Variants in TMTC1 observed in about 807,000 individuals in gnomAD.
The protein encoded by TMTC1 is transmembrane O-mannosyltransferase targeting cadherins 1, also known as protein O-mannosyl-transferase TMTC1.
A neutral mutation model predicts 104.8 loss-of-function variants in TMTC1; 73 were observed. That is an observed-to-expected ratio of 0.70 (90% CI 0.58 to 0.85). The LOEUF (loss-of-function observed/expected upper bound fraction) is 0.85, where lower values mean the gene tolerates loss of function less well. Ranked by LOEUF, TMTC1 falls within the 40% of genes least tolerant of loss-of-function variation. TMTC1 has a pLI of 0.00. For missense variants in TMTC1, 1,035 were observed against 1,096.1 expected (o/e 0.94, Z 0.79); for synonymous variants, 434 against 428.7 (o/e 1.01, Z -0.15).
intron 5 of TMTC1, among the ~76,000 whole-genome samples, chr12:29,657,049 A>G (rs1205126494): frequency 6.6e-6 from 1 of 152,204 alleles, no homozygotes; most frequent in Non-Finnish European, 1.5e-5. Flanking sequence ...TGACAGCAGT[A>G]TGTTCTTGTT....
At chr12:29,651,575 C>A (rs1939520535) in intron 5 of TMTC1, among the ~76,000 whole-genome samples, 1 of 152,198 alleles carries the variant, frequency 6.6e-6, no homozygotes, top group Admixed American at 6.5e-5. Context: ...AAAATGCAAG[C>A]AGCTCAGAAC....
chr12:29,734,220 C>T (rs570222656), intron 5 of TMTC1, among the ~76,000 whole-genome samples: 4 of 152,314 alleles, frequency 2.6e-5, no homozygotes, highest in Admixed American at 2.6e-4. Flanking sequence ...TTCCACATGT[C>T]TCTTAATTTC....
At chr12:29,592,953 C>T (rs159701) in intron 7 of TMTC1, among the ~76,000 whole-genome samples, 39,042 of 152,114 alleles carry the variant, frequency 0.26, 5,360 homozygotes, top group East Asian at 0.38. Context: ...TAGTAACTTC[C>T]TAAGGCCCAG....
At chr12:29,708,123 G>C (rs1008137602) in intron 5 of TMTC1, among the ~76,000 whole-genome samples, 1 of 152,188 alleles carries the variant, frequency 6.6e-6, no homozygotes, top group South Asian at 2.1e-4. Context: ...AACAAGACAA[G>C]CCTTGACCTC....
At chr12:29,713,343 G>GGA (rs113105294) in intron 5 of TMTC1, among the ~76,000 whole-genome samples, 2,646 of 99,022 alleles carry the variant, frequency 0.027, 78 homozygotes, top group African/African-American at 0.095. Context: ...ACACACACAG[G>GGA]GAGAGAGAGA....
chr12:29,548,506 C>G (rs1436943386), intron 10 of TMTC1, among the ~76,000 whole-genome samples: 1 of 152,030 alleles, frequency 6.6e-6, no homozygotes, highest in Non-Finnish European at 1.5e-5. Flanking sequence ...GTGAATAAGT[C>G]TCATGGAGAT....
intron 17 of TMTC1, among the ~76,000 whole-genome samples, chr12:29,510,733 A>C (rs1306111292): frequency 1.3e-5 from 2 of 152,210 alleles, no homozygotes; most frequent in South Asian, 2.1e-4. Flanking sequence ...CTGCTATTTT[A>C]TCAGTGCAGA....
intron 5 of TMTC1, among the ~76,000 whole-genome samples, chr12:29,697,101 G>A (rs549711627): frequency 6.6e-6 from 1 of 152,302 alleles, no homozygotes; most frequent in African/African-American, 2.4e-5. Context: ...AGTAATGCCT[G>A]GCATATGACA....
rs895688766 is a variant in TMTC1, at chr12:29,692,123, T to A, written c.939-58787A>T. 1.1e-4 allele frequency among the ~76,000 whole-genome samples: 16 copies of A among 145,640 alleles called. 1 individual carries two copies. Among genetic ancestry groups the A allele is most frequent in the African/African-American group, 4.0e-4 (16 of 39,812 alleles). On this transcript the variant is annotated intron_variant, in intron 5 of 17. Coordinates refer to ENST00000539277, the MANE Select transcript of TMTC1 (RefSeq NM_001193451.2). ...TACCAATGTTTTCAGTGTGCTTGTG[T>A]CTTTATTCCCCACTGATAACATTAC...
At chr12:29,578,420 C>A (rs1169049513) in intron 8 of TMTC1, among the ~76,000 whole-genome samples, 1 of 152,166 alleles carries the variant, frequency 6.6e-6, no homozygotes, top group Non-Finnish European at 1.5e-5. Flanking sequence ...AATAGTCTCC[C>A]TGTTTGCTTT....
intron 8 of TMTC1, among the ~76,000 whole-genome samples, chr12:29,574,607 C>A (rs567242607): frequency 6.6e-6 from 1 of 152,286 alleles, no homozygotes; most frequent in East Asian, 1.9e-4. Flanking sequence ...GATGAGGGTT[C>A]TCTTCCTGCC....
At chr12:29,750,062 T>TATACACAC (rs1555195892) in intron 5 of TMTC1, among the ~76,000 whole-genome samples, 1 of 146,536 alleles carries the variant, frequency 6.8e-6, no homozygotes, top group East Asian at 2.0e-4. Flanking sequence ...TAACTGTCTA[T>TATACACAC]ACACACACAC....
intron 5 of TMTC1, among the ~76,000 whole-genome samples, chr12:29,681,268 T>C (rs1255816638): frequency 1.3e-5 from 2 of 152,138 alleles, no homozygotes; most frequent in African/African-American, 4.8e-5. Context: ...AATCAAGCAT[T>C]TGTCCTGTGT....
At chr12:29,636,905 A>AG (rs1477731423) in intron 5 of TMTC1, among the ~76,000 whole-genome samples, 2 of 151,198 alleles carry the variant, frequency 1.3e-5, no homozygotes. Context: ...AAAAAAAAAA[A>AG]CTTAGCTGGG....
At chr12:29,681,022 C>G (rs1305537665) in intron 5 of TMTC1, among the ~76,000 whole-genome samples, 1 of 148,660 alleles carries the variant, frequency 6.7e-6, no homozygotes, top group Non-Finnish European at 1.5e-5. Flanking sequence ...TCACTTGAAC[C>G]TGGGAGGCAG....
intron 5 of TMTC1, among the ~76,000 whole-genome samples, chr12:29,647,302 G>A (rs1939310004): frequency 6.6e-6 from 1 of 152,126 alleles, no homozygotes; most frequent in South Asian, 2.1e-4. Flanking sequence ...TTACAGGCAT[G>A]AGCCACTATG....
In TMTC1 at chr12:29,503,538, A is replaced by G. The variant is rs1943637959; in HGVS notation, c.*3308T>C. ...AGGAGAACTGATTCTAGGCACAAAA[A>G]AAAGGAGAGGTTAGATGGACTGGAA... is the stretch of plus-strand genomic sequence containing the variant. On this transcript the variant is annotated 3_prime_UTR_variant, in exon 18 of 18. Coordinates refer to ENST00000539277, the MANE Select transcript of TMTC1 (RefSeq NM_001193451.2). 6.6e-6 allele frequency: 1 copy of G among 152,234 alleles called. No individual in the cohort carries two copies. Among genetic ancestry groups the G allele is most frequent in the African/African-American group, 2.4e-5 (1 of 41,458 alleles). The allele number at this position is 152,234 out of a possible 1,614,324, so 9.4% of individuals were successfully genotyped here.
intron 5 of TMTC1, among the ~76,000 whole-genome samples, chr12:29,725,774 A>G (rs1942371669): frequency 6.6e-6 from 1 of 152,238 alleles, no homozygotes; most frequent in African/African-American, 2.4e-5. Flanking sequence ...CTGCTACAAC[A>G]TTCAATCTTC....
chr12:29,645,993 G>A (rs927924599), intron 5 of TMTC1, among the ~76,000 whole-genome samples: 2 of 152,194 alleles, frequency 1.3e-5, no homozygotes, highest in Admixed American at 1.3e-4. Context: ...CCCACTGCAA[G>A]CATATAGCAG....
Sources: allele counts gnomAD v4.1 joint callset (sites outside exome capture counted in the v4.1 genomes callset), GRCh38; gene constraint gnomAD v4.1.1; transcripts MANE v1.5; gene names NCBI Gene and HGNC (gene_info 2026-07-23, HGNC 2026-07-21).